EIF4ENIF1: variants seen among roughly 807,000 people sequenced by gnomAD.
The protein encoded by EIF4ENIF1 is eukaryotic translation initiation factor 4E nuclear import factor 1, also known as eukaryotic translation initiation factor 4E transporter.
Under a neutral mutation model 110.5 loss-of-function variants are expected in EIF4ENIF1, and 23 were observed. The ratio of observed to expected loss-of-function variants is 0.21; its 90% CI spans 0.15 to 0.29. EIF4ENIF1 has a LOEUF of 0.29. Among genes scored for constraint, EIF4ENIF1 ranks in the 10% least tolerant of loss-of-function variants. EIF4ENIF1 has a pLI of 1.00. For missense variants in EIF4ENIF1, 1,031 were observed against 1,221.1 expected (o/e 0.84, Z 2.32); for synonymous variants, 440 against 437.0 (o/e 1.01, Z -0.09).
chr22:31,447,391 C>T lies in EIF4ENIF1; in HGVS notation c.1988+35G>A, dbSNP rs559683857. 14 of 1,604,078 alleles carry T rather than the reference C, an allele frequency of 8.7e-6. No homozygotes were observed. The Admixed American group carries it at 8.7e-5, about 10-fold the overall frequency. On this transcript the variant is annotated intron_variant, in intron 14 of 18. Transcript: ENST00000330125. The stretch of plus-strand genomic sequence containing the variant: ...TTTATTAGTTTCAGGAAAACTTATC[C>T]GTAAATCTCCACATGAGCAGGATTA...
intron 3 of EIF4ENIF1, among the ~76,000 whole-genome samples, chr22:31,470,761 C>T (rs1456100998): frequency 6.8e-6 from 1 of 147,894 alleles, no homozygotes; most frequent in Non-Finnish European, 1.5e-5. Context: ...TAATTCACTG[C>T]ATCCTCAAGC....
intron 17 of EIF4ENIF1, 48 bp downstream of exon 17, chr22:31,441,726 C>A: frequency 1.3e-6 from 2 of 1,483,682 alleles, no homozygotes; most frequent in South Asian, 1.3e-5. Context: ...CAACAATTGT[C>A]CCCTAGGCCC....
chr22:31,446,159 CCT>C (rs1017730755), intron 14 of EIF4ENIF1, among the ~76,000 whole-genome samples: 12 of 151,646 alleles, frequency 7.9e-5, no homozygotes, highest in African/African-American at 2.9e-4. Flanking sequence ...GTGGCACACT[CCT>C]GTAATCCTAG....
intron 2 of EIF4ENIF1, among the ~76,000 whole-genome samples, chr22:31,483,383 TG>T (rs2146098205): frequency 6.6e-6 from 1 of 151,962 alleles, no homozygotes; most frequent in South Asian, 2.1e-4. Flanking sequence ...AAATTTTTTT[TG>T]TAGTGACAGG....
At position 31,453,868 on chromosome 22, in the gene EIF4ENIF1, C is replaced by G. The variant is rs551862745; in HGVS notation, c.1512+276G>C. On this transcript the variant is annotated intron_variant, in intron 10 of 18. Transcript: ENST00000330125. ...AAGATAGTTTTATACCTCATTTTAG[C>G]AGTGACTTAAAGTTATACAGGCATT... is the stretch of plus-strand genomic sequence containing the variant. 3.9e-5 allele frequency among the ~76,000 whole-genome samples: 6 copies of G among 152,256 alleles called. No individual in the cohort carries two copies. In the East Asian group the frequency reaches 7.7e-4, roughly 20 times the overall value.
chr22:31,477,973 T>G (rs1368619191), intron 2 of EIF4ENIF1, among the ~76,000 whole-genome samples: 2 of 152,218 alleles, frequency 1.3e-5, no homozygotes, highest in Non-Finnish European at 2.9e-5. Flanking sequence ...GCAGTGAATG[T>G]TCACACCTTC....
intron 4 of EIF4ENIF1, among the ~76,000 whole-genome samples, chr22:31,466,177 C>T (rs976228164): frequency 4.6e-5 from 7 of 152,146 alleles, no homozygotes; most frequent in Admixed American, 2.0e-4. Flanking sequence ...CTTTGGGAGG[C>T]TGAGGTGGGT....
chr22:31,479,245 T>C (rs2051717805), intron 2 of EIF4ENIF1: 1 of 152,058 alleles, frequency 6.6e-6, no homozygotes, highest in South Asian at 2.1e-4. Flanking sequence ...GTTTTTCTTG[T>C]ATTTTAGTAG....
chr22:31,471,458 G>A (rs2051375980), intron 3 of EIF4ENIF1, among the ~76,000 whole-genome samples: 1 of 152,138 alleles, frequency 6.6e-6, no homozygotes. Context: ...GGGACTACAG[G>A]CGCACGCCAC....
At chr22:31,441,685 A>G in intron 17 of EIF4ENIF1, 89 bp downstream of exon 17, 1 of 1,164,342 alleles carries the variant, frequency 8.6e-7, no homozygotes, top group Non-Finnish European at 1.2e-6. Flanking sequence ...TAGGGATGGA[A>G]ATCTCCCACA....
At chr22:31,473,516 A>C (rs1017840307) in intron 2 of EIF4ENIF1, among the ~76,000 whole-genome samples, 1 of 152,182 alleles carries the variant, frequency 6.6e-6, no homozygotes, top group Non-Finnish European at 1.5e-5. Flanking sequence ...GGTCTCCCTT[A>C]ATCTAGAACA....
chr22:31,456,432 C>A (rs1001942768), intron 7 of EIF4ENIF1, among the ~76,000 whole-genome samples: 78 of 151,850 alleles, frequency 5.1e-4, no homozygotes, highest in Non-Finnish European at 8.7e-4. Context: ...ACCGTGTTAG[C>A]CAGGATGGTC....
At chr22:31,453,173 T>A (rs553358101) in intron 10 of EIF4ENIF1, among the ~76,000 whole-genome samples, 1 of 152,172 alleles carries the variant, frequency 6.6e-6, no homozygotes, top group African/African-American at 2.4e-5. Flanking sequence ...TATTAACACA[T>A]AGGCTATGGG....
intron 14 of EIF4ENIF1, among the ~76,000 whole-genome samples, chr22:31,446,704 G>A (rs1339503871): frequency 6.6e-6 from 1 of 152,156 alleles, no homozygotes; most frequent in African/African-American, 2.4e-5. Flanking sequence ...GGTATTACTG[G>A]CACAGGGCAC....
intron 2 of EIF4ENIF1, among the ~76,000 whole-genome samples, chr22:31,479,718 T>C (rs1378825062): frequency 2.0e-5 from 3 of 151,218 alleles, no homozygotes; most frequent in East Asian, 3.9e-4. Context: ...ATCTATCCTT[T>C]TGGAGTTTTT....
Position 31,466,890 on chromosome 22 carries a change from A to G in EIF4ENIF1, c.298+1285T>C, listed in dbSNP as rs1296221804. Among the ~76,000 whole-genome samples the G allele has an allele frequency of 2.0e-5, 3 of 152,210 alleles. 1 individual carries two copies. Among genetic ancestry groups the G allele is most frequent in the Admixed American group, 2.0e-4 (3 of 15,274 alleles). ...AAACCAGGAAACTGAAGATTAGTCC[A>G]TGTGAGAAAAATCTGCTTTAATTCT... is the stretch of plus-strand genomic sequence containing the variant. On this transcript the variant is annotated intron_variant, in intron 4 of 18. Transcript: ENST00000330125.
Position 31,443,260 on chromosome 22 carries a change from A to G in EIF4ENIF1, c.2074-166T>C. 4.4e-6 allele frequency: 4 copies of G among 911,430 alleles called. No homozygotes were observed. In the South Asian group the frequency reaches 7.0e-5, roughly 16 times the overall value. The allele number at this position is 911,430 out of a possible 1,614,324, so 56.5% of individuals were successfully genotyped here. Reference sequence around the variant, plus strand: ...TGCTGGAGGAAAAACAGAATGGGGCAAATAGGCAGTGTCCCAAGTACATTA... The same window carrying G: ...TGCTGGAGGAAAAACAGAATGGGGCGAATAGGCAGTGTCCCAAGTACATTA... On this transcript the variant is annotated intron_variant, in intron 15 of 18. Coordinates refer to ENST00000330125, the MANE Select transcript of EIF4ENIF1 (RefSeq NM_019843.4).
At chr22:31,448,048 C>T in intron 13 of EIF4ENIF1, 105 bp downstream of exon 13, 1 of 1,357,532 alleles carries the variant, frequency 7.4e-7, no homozygotes, top group Non-Finnish European at 1.0e-6. Context: ...TATGCCTGGC[C>T]TCAAAACCAT....
At position 31,449,465 on chromosome 22, in the gene EIF4ENIF1, A is replaced by G. The variant is rs754314297; in HGVS notation, c.1651T>C (p.Leu551=). ...CCCAGTAAAGATGTTGTAGGCTCCA[A>G]GCTCCCCATAAGGCCACTCAGAAGA... ...SNLLSGLMGS[L]EPTTSLLGQR... The change falls in exon 12 of 19, where the codon TTG becomes CTG. Residue 551 remains leucine (L), a synonymous_variant. Transcript: ENST00000330125. 3.3e-5 allele frequency: 54 copies of G among 1,614,042 alleles called. No individual in the cohort carries two copies. Among genetic ancestry groups the G allele is most frequent in the Non-Finnish European group, 4.3e-5 (51 of 1,180,038 alleles).
Sources: gnomAD v4.1 joint callset for allele counts (sites outside exome capture counted in the v4.1 genomes callset) on GRCh38, gnomAD v4.1.1 for gene constraint, MANE v1.5 for transcripts, NCBI Gene and HGNC (gene_info 2026-07-23, HGNC 2026-07-21) for gene names.